Variants in GLCCI1 observed in about 807,000 individuals in gnomAD.
The protein encoded by GLCCI1 is glucocorticoid induced 1, also known as glucocorticoid-induced transcript 1 protein.
A neutral mutation model predicts 52.2 loss-of-function variants in GLCCI1; 24 were observed. The ratio of observed to expected loss-of-function variants is 0.46; its 90% CI spans 0.33 to 0.65. The LOEUF is 0.65. GLCCI1 is among the 30% of genes least tolerant of loss of function. The pLI is 0.02. For synonymous variants in GLCCI1, 310 were observed against 276.5 expected (o/e 1.12, Z -1.20); for missense variants, 704 against 701.5 (o/e 1.00, Z -0.04).
intron 2 of GLCCI1, among the ~76,000 whole-genome samples, chr7:8,013,327 A>C (rs1254431503): frequency 6.6e-6 from 1 of 152,204 alleles, no homozygotes; most frequent in East Asian, 1.9e-4. Flanking sequence ...AGTGACTAAC[A>C]GTTGATAAAG....
intron 3 of GLCCI1, among the ~76,000 whole-genome samples, chr7:8,041,090 G>A (rs981460360): frequency 5.9e-5 from 9 of 152,182 alleles, no homozygotes; most frequent in Non-Finnish European, 1.3e-4. Flanking sequence ...TGGATGCAAA[G>A]GGAAAGGTCT....
intron 1 of GLCCI1, chr7:7,982,118 A>T (rs1237679417): frequency 2.4e-6 from 1 of 409,866 alleles, no homozygotes; most frequent in African/African-American, 2.1e-5. Flanking sequence ...CCATTATAGT[A>T]ATAGTCACAA....
chr7:8,048,206 G>A (rs896088418), intron 3 of GLCCI1, among the ~76,000 whole-genome samples: 9 of 152,192 alleles, frequency 5.9e-5, no homozygotes, highest in South Asian at 2.1e-4. Flanking sequence ...CCCCTGTTCT[G>A]CACATCTCTT....
In GLCCI1 at chr7:8,060,237, G is replaced by A; in HGVS notation, c.955G>A (p.Glu319Lys). ...VFIKENNGKE[E>K]VSKPLDIPDG... Reference sequence around the variant, plus strand: ...CATTAAAGAAAATAATGGGAAGGAAGAAGTATCCAAGGTAAGGTTACATGG... The same window carrying A: ...CATTAAAGAAAATAATGGGAAGGAAAAAGTATCCAAGGTAAGGTTACATGG... Residue 319 changes from glutamate to lysine, a missense_variant, in exon 5 of 8, where the codon GAA (glutamate) becomes AAA (lysine). By Grantham distance (56) the Glu-to-Lys change is moderately conservative. Coordinates refer to ENST00000223145, the MANE Select transcript of GLCCI1 (RefSeq NM_138426.4). The A allele has an allele frequency of 1.2e-6, 2 of 1,609,922 alleles. No homozygotes were observed. Among genetic ancestry groups the A allele is most frequent in the Non-Finnish European group, 1.7e-6 (2 of 1,176,750 alleles).
intron 1 of GLCCI1, among the ~76,000 whole-genome samples, chr7:7,975,123 G>A (rs1271563509): frequency 1.3e-5 from 2 of 152,144 alleles, no homozygotes; most frequent in Admixed American, 1.3e-4. Context: ...ACCCTTGAAA[G>A]TGACCATAAG....
chr7:8,042,393 A>G (rs1357325144), intron 3 of GLCCI1, among the ~76,000 whole-genome samples: 1 of 152,214 alleles, frequency 6.6e-6, no homozygotes, highest in African/African-American at 2.4e-5. Context: ...GAGGATTTCA[A>G]AATATCATTA....
chr7:8,057,852 T>G (rs1461543294), intron 4 of GLCCI1, among the ~76,000 whole-genome samples: 4 of 152,212 alleles, frequency 2.6e-5, no homozygotes, highest in African/African-American at 9.6e-5. Flanking sequence ...AAATTTACAT[T>G]GAATTTTTAC....
At chr7:8,001,544 G>A (rs562259020) in intron 1 of GLCCI1, among the ~76,000 whole-genome samples, 1 of 152,282 alleles carries the variant, frequency 6.6e-6, no homozygotes, top group South Asian at 2.1e-4. Flanking sequence ...GAAGACAGTG[G>A]TGATTCCTCA....
intron 5 of GLCCI1, among the ~76,000 whole-genome samples, chr7:8,065,458 A>G (rs1176550308): frequency 6.6e-6 from 1 of 152,180 alleles, no homozygotes; most frequent in East Asian, 1.9e-4. Context: ...AGGAGTGGTG[A>G]GAGGGCATTC....
chr7:8,001,335 G>C (rs999483883), intron 1 of GLCCI1, among the ~76,000 whole-genome samples: 1 of 152,124 alleles, frequency 6.6e-6, no homozygotes, highest in Admixed American at 6.6e-5. Flanking sequence ...TGGGTTGAAA[G>C]TTCTTTTCTT....
rs1562424645 is a variant in GLCCI1 at position 8,005,789 on chromosome 7, T to TTTG, written c.609+1732_609+1733insGTT. Among the ~76,000 whole-genome samples, 16 of 152,056 alleles carry TTTG rather than the reference T, an allele frequency of 1.1e-4. No individual in the cohort carries two copies. The East Asian group carries it at 1.4e-3, about 13-fold the overall frequency. On this transcript the variant is annotated intron_variant, in intron 2 of 7. Transcript: ENST00000223145. Reference sequence around the variant, plus strand: ...AGAGGGAAACATTATCTAGTTTTTTTTTTGTTTGTTTGTTTTGTTTTTTTT... The same window carrying TTTG: ...AGAGGGAAACATTATCTAGTTTTTTTTTGTTTGTTTGTTTGTTTTGTTTTTTTT...
At chr7:8,072,525 T>A (rs1289809101) in intron 6 of GLCCI1, among the ~76,000 whole-genome samples, 3 of 152,232 alleles carry the variant, frequency 2.0e-5, no homozygotes, top group Non-Finnish European at 4.4e-5. Flanking sequence ...CCTGTGAGAA[T>A]AAACACCTTT....
intron 5 of GLCCI1, among the ~76,000 whole-genome samples, chr7:8,065,229 A>C (rs1448296303): frequency 6.6e-6 from 1 of 152,190 alleles, no homozygotes; most frequent in African/African-American, 2.4e-5. Context: ...AGTATATAGA[A>C]ACACTACTGA....
chr7:8,084,453 T>G (rs1019001316), intron 6 of GLCCI1, among the ~76,000 whole-genome samples: 1 of 152,236 alleles, frequency 6.6e-6, no homozygotes, highest in Admixed American at 6.5e-5. Flanking sequence ...AAATAACATT[T>G]CTGCTAAGAA....
At chr7:8,068,195 A>G (rs755315900) in intron 5 of GLCCI1, among the ~76,000 whole-genome samples, 11 of 152,204 alleles carry the variant, frequency 7.2e-5, no homozygotes, top group Non-Finnish European at 5.9e-5. Flanking sequence ...CTAAAAATAC[A>G]AAACATTAGC....
chr7:7,985,237 A>G (rs1005490321), intron 1 of GLCCI1, among the ~76,000 whole-genome samples: 2 of 152,072 alleles, frequency 1.3e-5, no homozygotes, highest in Non-Finnish European at 2.9e-5. Context: ...TATGTGTATG[A>G]GAGAGGGAGG....
At chr7:8,022,150 T>C (rs192917102) in intron 2 of GLCCI1, among the ~76,000 whole-genome samples, 95 of 152,310 alleles carry the variant, frequency 6.2e-4, no homozygotes, top group African/African-American at 2.2e-3. Context: ...GAAATACCAT[T>C]TCATATTTAG....
At chr7:8,060,617 A>C (rs1782492981) in intron 5 of GLCCI1, among the ~76,000 whole-genome samples, 1 of 152,156 alleles carries the variant, frequency 6.6e-6, no homozygotes, top group African/African-American at 2.4e-5. Flanking sequence ...TTTTTAACTT[A>C]GCATAGTGTT....
chr7:8,033,651 A>G (rs1033049561), intron 3 of GLCCI1, among the ~76,000 whole-genome samples: 2 of 152,166 alleles, frequency 1.3e-5, no homozygotes, highest in African/African-American at 4.8e-5. Context: ...AGTTGCATCA[A>G]AAAAGATTAA....
Sources: allele counts gnomAD v4.1 joint callset (sites outside exome capture counted in the v4.1 genomes callset), GRCh38; gene constraint gnomAD v4.1.1; transcripts MANE v1.5; gene names NCBI Gene and HGNC (gene_info 2026-07-23, HGNC 2026-07-21).